ANKRD33B: variants seen among roughly 807,000 people sequenced by gnomAD.
The protein encoded by ANKRD33B is ankyrin repeat domain-containing protein 33B.
A neutral mutation model predicts 21.5 loss-of-function variants in ANKRD33B; 6 were observed. The observed-to-expected ratio is 0.28, with a 90% CI of 0.15 to 0.55. The LOEUF (loss-of-function observed/expected upper bound fraction) is 0.55, where lower values mean the gene tolerates loss of function less well. ANKRD33B is among the 20% of genes least tolerant of loss of function. ANKRD33B has a pLI of 0.94. For missense variants in ANKRD33B, 698 were observed against 747.2 expected, an observed-to-expected ratio of 0.93 and a Z score of 0.77; for synonymous variants, 347 against 342.4, an observed-to-expected ratio of 1.01 and a Z score of -0.15.
intron 3 of ANKRD33B, among the ~76,000 whole-genome samples, chr5:10,643,162 C>G (rs910923037): frequency 1.3e-5 from 2 of 152,100 alleles, no homozygotes; most frequent in South Asian, 2.1e-4. Context: ...CTCGTCCTCC[C>G]AAAGTGCTGG....
chr5:10,612,647 A>C (rs1736197269), intron 1 of ANKRD33B, among the ~76,000 whole-genome samples: 1 of 152,222 alleles, frequency 6.6e-6, no homozygotes, highest in Non-Finnish European at 1.5e-5. Flanking sequence ...CAGGGAATCC[A>C]TCTCTCTTGC....
chr5:10,637,416 A>G (rs1736892786), intron 2 of ANKRD33B, among the ~76,000 whole-genome samples: 1 of 118,656 alleles, frequency 8.4e-6, no homozygotes, highest in African/African-American at 3.2e-5. Context: ...GTGTGGGCGT[A>G]GGTAGTTAGA....
At chr5:10,595,668 G>A (rs1735803509) in intron 1 of ANKRD33B, among the ~76,000 whole-genome samples, 2 of 152,132 alleles carry the variant, frequency 1.3e-5, no homozygotes, top group Non-Finnish European at 2.9e-5. Context: ...GGGCCTGATG[G>A]GCAGAGGAGA....
At position 10,618,426 on chromosome 5, in the gene ANKRD33B, G is replaced by A. The variant is rs1374445555; in HGVS notation, c.460G>A (p.Glu154Lys). 2.6e-6 allele frequency: 4 copies of A among 1,537,270 alleles called. No individual in the cohort carries two copies. Among genetic ancestry groups the A allele is most frequent in the Admixed American group, 3.9e-5 (2 of 50,954 alleles). ...PHVDVNWQDS[E>K]GNTALITAAQ... The stretch of plus-strand genomic sequence containing the variant: ...CGTTGACGTCAACTGGCAGGACAGC[G>A]AGGGGAACACAGCCCTAATCACAGC... The change falls in exon 2 of 4, where the codon GAG (glutamate) becomes AAG (lysine). Residue 154 changes from glutamate (E) to lysine (K), a missense_variant. Around this residue, in one of 3 missense-constraint regions of ANKRD33B, gnomAD observed 543 missense variants for 566.5 expected, o/e 0.96. Coordinates refer to ENST00000296657, the MANE Select transcript of ANKRD33B (RefSeq NM_001164440.2).
In ANKRD33B at chr5:10,649,428, C is replaced by A. The variant is rs1037300195; in HGVS notation, c.800C>A (p.Pro267His). The part of the protein sequence containing the change: ...EKYRPELPPP[P>H]EAARKPAGSK... ...TACCGGCCCGAGCTGCCGCCGCCCC[C>A]TGAAGCGGCGCGGAAGCCCGCGGGC... The change falls in exon 4 of 4, where the codon CCT (proline) becomes CAT (histidine). Residue 267 changes from proline (P) to histidine (H), a missense_variant. By Grantham distance (77) the Pro-to-His change is moderately conservative (BLOSUM62 -2). Coordinates refer to ENST00000296657, the MANE Select transcript of ANKRD33B (RefSeq NM_001164440.2). 3.9e-6 allele frequency: 6 copies of A among 1,535,424 alleles called. No homozygotes were observed. The highest frequency in any genetic ancestry group is 5.2e-6 in the Non-Finnish European group (6 of 1,146,508).
chr5:10,606,666 G>A (rs532815531), intron 1 of ANKRD33B, among the ~76,000 whole-genome samples: 2 of 152,034 alleles, frequency 1.3e-5, no homozygotes, highest in African/African-American at 4.8e-5. Context: ...CCCACGAGGT[G>A]GAGGTTGCAG....
chr5:10,643,797 G>A (rs1737120803), intron 3 of ANKRD33B, among the ~76,000 whole-genome samples: 1 of 134,516 alleles, frequency 7.4e-6, no homozygotes, highest in South Asian at 2.4e-4. Context: ...TCCAGCCTAG[G>A]CAACAGAGTG....
At chr5:10,590,649 G>T (rs142605297) in intron 1 of ANKRD33B, among the ~76,000 whole-genome samples, 473 of 152,068 alleles carry the variant, frequency 3.1e-3, no homozygotes, top group African/African-American at 0.011. Context: ...GTTAGTGTTA[G>T]TATATTTTAT....
intron 1 of ANKRD33B, among the ~76,000 whole-genome samples, chr5:10,572,782 C>T (rs755977315): frequency 6.6e-6 from 1 of 152,218 alleles, no homozygotes; most frequent in Non-Finnish European, 1.5e-5. Context: ...GACGTGGTTA[C>T]ACCTGCTTCT....
intron 3 of ANKRD33B, among the ~76,000 whole-genome samples, chr5:10,638,730 A>G (rs1486586986): frequency 6.7e-6 from 1 of 149,726 alleles, no homozygotes. Context: ...TGGTAACGTT[A>G]GAAGGCGATG....
intron 1 of ANKRD33B, among the ~76,000 whole-genome samples, chr5:10,587,474 A>G (rs2126557729): frequency 6.6e-6 from 1 of 152,016 alleles, no homozygotes; most frequent in East Asian, 1.9e-4. Context: ...CATTCACAAC[A>G]TGATCCTTAT....
intron 1 of ANKRD33B, among the ~76,000 whole-genome samples, chr5:10,571,264 C>G (rs529336844): frequency 1.3e-5 from 2 of 152,060 alleles, no homozygotes; most frequent in African/African-American, 4.8e-5. Context: ...TGCAGTGGTG[C>G]GATCTCGGCC....
chr5:10,579,602 T>C (rs6864906), intron 1 of ANKRD33B, among the ~76,000 whole-genome samples: 15,787 of 152,150 alleles, frequency 0.1, 1,231 homozygotes, highest in African/African-American at 0.22. Flanking sequence ...ATATAGATGA[T>C]CTCTAGCTCT....
chr5:10,570,819 A>T (rs1735166171), intron 1 of ANKRD33B, among the ~76,000 whole-genome samples: 1 of 151,364 alleles, frequency 6.6e-6, no homozygotes, highest in South Asian at 2.1e-4. Context: ...TCAGCCTCCC[A>T]AGGTGCTGGG....
intron 1 of ANKRD33B, among the ~76,000 whole-genome samples, chr5:10,614,751 G>A (rs924885112): frequency 6.6e-6 from 1 of 152,174 alleles, no homozygotes; most frequent in Admixed American, 6.5e-5. Flanking sequence ...GCCGGGCTTG[G>A]TGGCAGGCAC....
chr5:10,632,994 G>T lies in ANKRD33B; in HGVS notation c.497-5034G>T, dbSNP rs572243789. On this transcript the variant is annotated intron_variant, in intron 2 of 3. Transcript: ENST00000296657. Reference sequence around the variant, plus strand: ...GTAGAGATGGGGTTTCCCCATGTTGGCCAGGCTGGTCTTGAACTCCTGACC... The same window carrying T: ...GTAGAGATGGGGTTTCCCCATGTTGTCCAGGCTGGTCTTGAACTCCTGACC... Among the ~76,000 whole-genome samples the T allele has an allele frequency of 2.6e-5, 4 of 151,518 alleles. No homozygotes were observed. In the East Asian group the frequency reaches 7.8e-4, roughly 29 times the overall value.
chr5:10,600,807 C>T (rs1735911965), intron 1 of ANKRD33B, among the ~76,000 whole-genome samples: 2 of 152,246 alleles, frequency 1.3e-5, no homozygotes, highest in Admixed American at 6.5e-5. Context: ...ACACCCTTGC[C>T]AACATTTGGT....
At chr5:10,611,740 C>T (rs183189360) in intron 1 of ANKRD33B, among the ~76,000 whole-genome samples, 3 of 152,222 alleles carry the variant, frequency 2.0e-5, no homozygotes, top group African/African-American at 7.2e-5. Flanking sequence ...AACAATCACA[C>T]TTGGGGAGTG....
intron 1 of ANKRD33B, among the ~76,000 whole-genome samples, chr5:10,599,285 C>T (rs1735881462): frequency 3.9e-5 from 6 of 151,994 alleles, no homozygotes; most frequent in Admixed American, 3.9e-4. Context: ...ACAATTCATC[C>T]ATTAAAGTAT....
Sources: gnomAD v4.1 joint callset for allele counts (sites outside exome capture counted in the v4.1 genomes callset) on GRCh38, gnomAD v4.1.1 for gene constraint, gnomAD v4.1.1 regional missense constraint, MANE v1.5 for transcripts, NCBI Gene and HGNC (gene_info 2026-07-23, HGNC 2026-07-21) for gene names.